The following N4BP2L2 variants were observed in gnomAD, a reference collection of about 807,000 sequenced individuals.
N4BP2L2 encodes NEDD4-binding protein 2-like 2.
A neutral mutation model predicts 56.2 loss-of-function variants in N4BP2L2; 50 were observed. The observed-to-expected ratio is 0.89, with a 90% CI of 0.71 to 1.13. The LOEUF (loss-of-function observed/expected upper bound fraction) is 1.13, where lower values mean the gene tolerates loss of function less well. Ranked by LOEUF, N4BP2L2 falls within the 50% of genes most tolerant of loss-of-function variation. The pLI is 0.00. For missense variants in N4BP2L2, 689 were observed against 693.8 expected (o/e 0.99, Z 0.08); for synonymous variants, 203 against 223.6 (o/e 0.91, Z 0.82).
downstream of N4BP2L2, among the ~76,000 whole-genome samples, chr13:32,509,798 A>T (rs180933011): frequency 2.7e-4 from 41 of 152,302 alleles, no homozygotes; most frequent in Admixed American, 1.4e-3. Flanking sequence ...TTTCTTTTCT[A>T]AACAAAAATT....
rs1335493446 is a variant in N4BP2L2, at chr13:32,522,360, T to C, written c.1385-90A>G. 1.1e-5 allele frequency: 9 copies of C among 843,260 alleles called. No individual in the cohort carries two copies. The South Asian group carries it at 1.5e-4, about 14-fold the overall frequency. The allele number at this position is 843,260 out of a possible 1,614,324, so 52.2% of individuals were successfully genotyped here. A position where few individuals can be genotyped will look rare whatever the true frequency, so the allele number is the denominator to read the frequency against. On this transcript the variant is annotated intron_variant, in intron 3 of 5. Coordinates refer to ENST00000267068, the Ensembl canonical transcript of N4BP2L2. ...ATTTATTATTAAGAAATGTACTACG[T>C]CTCTGTACTTAAAACCAAAACTGTG... is the stretch of plus-strand genomic sequence containing the variant.
intron 2 of N4BP2L2, among the ~76,000 whole-genome samples, chr13:32,532,444 G>A (rs1242936753): frequency 6.6e-6 from 1 of 151,638 alleles, no homozygotes; most frequent in African/African-American, 2.4e-5. Flanking sequence ...TTTAAGATAG[G>A]GGCTTTAAAT....
At chr13:32,438,566 T>G in intron 8 of N4BP2L2, 1 of 1,108,050 alleles carries the variant, frequency 9.0e-7, no homozygotes, top group Non-Finnish European at 1.3e-6. Context: ...GCCATTGCAC[T>G]CCAGCCTGGG....
chr13:32,529,229 T>C (rs2053943970), intron 2 of N4BP2L2, among the ~76,000 whole-genome samples: 1 of 152,208 alleles, frequency 6.6e-6, no homozygotes, highest in African/African-American at 2.4e-5. Flanking sequence ...AAGAAAACAA[T>C]TTAAGTATGT....
chr13:32,447,313 G>T (rs1474005781), intron 6 of N4BP2L2, among the ~76,000 whole-genome samples: 2 of 152,100 alleles, frequency 1.3e-5, no homozygotes, highest in African/African-American at 4.8e-5. Flanking sequence ...CTGCCCTCAT[G>T]TCAAGACTCC....
intron 6 of N4BP2L2, among the ~76,000 whole-genome samples, chr13:32,492,911 T>TG (rs2087507308): frequency 1.5e-5 from 2 of 132,990 alleles, no homozygotes; most frequent in African/African-American, 5.7e-5. Flanking sequence ...TTTTGTAGCT[T>TG]TTCTGTTTTT....
intron 6 of N4BP2L2, among the ~76,000 whole-genome samples, chr13:32,503,347 C>CT (rs1253014029): frequency 1.3e-5 from 2 of 151,954 alleles, no homozygotes; most frequent in African/African-American, 2.4e-5. Flanking sequence ...ACAAATCAAG[C>CT]TTTTTTTAGG....
intron 6 of N4BP2L2, among the ~76,000 whole-genome samples, chr13:32,447,794 T>C (rs557734182): frequency 3.4e-3 from 519 of 151,528 alleles, no homozygotes; most frequent in African/African-American, 0.012. Context: ...TGCTAATGTC[T>C]TTTTTTCGTT....
At chr13:32,471,162 T>A (rs2082220204) in intron 6 of N4BP2L2, among the ~76,000 whole-genome samples, 2 of 152,152 alleles carry the variant, frequency 1.3e-5, no homozygotes, top group African/African-American at 4.8e-5. Context: ...TATGTATGTG[T>A]TGGACCTGGG....
intron 6 of N4BP2L2, among the ~76,000 whole-genome samples, chr13:32,502,708 G>A (rs545327733): frequency 2.0e-5 from 3 of 152,204 alleles, no homozygotes; most frequent in African/African-American, 7.2e-5. Flanking sequence ...CTAAATTAGC[G>A]GTTTCTGTCT....
intron 6 of N4BP2L2, among the ~76,000 whole-genome samples, chr13:32,494,813 C>T (rs1391760382): frequency 6.6e-6 from 1 of 152,020 alleles, no homozygotes. Flanking sequence ...CATAACTTTC[C>T]CAAGCAGAAT....
exon 2 of N4BP2L2, chr13:32,536,746 A>G (rs1418344730): frequency 6.2e-7 from 1 of 1,614,050 alleles, no homozygotes; most frequent in East Asian, 2.2e-5. Flanking sequence ...CAATGGATTC[A>G]ATAACATCTG....
chr13:32,517,785 A>T, exon 6 of N4BP2L2: 3 of 1,611,420 alleles, frequency 1.9e-6, no homozygotes, highest in Non-Finnish European at 1.7e-6. Flanking sequence ...CAAATGTGTT[A>T]GCTGAAAATA....
At chr13:32,462,665 T>G (rs1013874471) in intron 6 of N4BP2L2, among the ~76,000 whole-genome samples, 1 of 151,880 alleles carries the variant, frequency 6.6e-6, no homozygotes, top group Non-Finnish European at 1.5e-5. Flanking sequence ...ATGGATACCC[T>G]AAATACCCTG....
chr13:32,505,068 A>T (rs552671443), intron 6 of N4BP2L2: 9 of 152,240 alleles, frequency 5.9e-5, no homozygotes, highest in African/African-American at 1.7e-4. Context: ...CAGCCCTAAG[A>T]AGTAGCCTAC....
downstream of N4BP2L2, chr13:32,507,165 T>C (rs1216055677): frequency 6.6e-6 from 1 of 152,288 alleles, no homozygotes; most frequent in Admixed American, 6.5e-5. Context: ...CTCTCAACTT[T>C]CTAGCTTACA....
chr13:32,506,697 A>C (rs1043214081), downstream of N4BP2L2: 1 of 152,232 alleles, frequency 6.6e-6, no homozygotes, highest in Non-Finnish European at 1.5e-5. Flanking sequence ...GTATGTGTAC[A>C]TAGAATTTTT....
At chr13:32,536,413 T>C in exon 2 of N4BP2L2, 1 of 1,614,034 alleles carries the variant, frequency 6.2e-7, no homozygotes, top group Non-Finnish European at 8.5e-7. Context: ...CCTCATAAAA[T>C]GGAACAAATT....
chr13:32,516,200 C>G (rs954954543), exon 6 of N4BP2L2: 1 of 152,062 alleles, frequency 6.6e-6, no homozygotes, highest in Non-Finnish European at 1.5e-5. Context: ...CTTAGAAACA[C>G]AAGTCCAAAC....
Sources: allele counts gnomAD v4.1 joint callset (sites outside exome capture counted in the v4.1 genomes callset), GRCh38; gene constraint gnomAD v4.1.1; transcripts MANE v1.5; gene names NCBI Gene and HGNC (gene_info 2026-07-23, HGNC 2026-07-21).